The following ATRNL1 variants were observed in gnomAD, a reference collection of about 807,000 sequenced individuals.
ATRNL1 encodes the protein attractin-like protein 1.
ATRNL1 carries 95 observed loss-of-function variants against 182.7 expected under a neutral mutation model. That is an observed-to-expected ratio of 0.52 (90% CI 0.44 to 0.62). The LOEUF is 0.62. Ranked by LOEUF, ATRNL1 falls within the 20% of genes least tolerant of loss-of-function variation. ATRNL1 has a pLI of 0.00. For missense variants in ATRNL1, 1,471 were observed against 1,679.5 expected (o/e 0.88, Z 2.17); for synonymous variants, 576 against 568.3 (o/e 1.01, Z -0.19).
chr10:115,581,679 C>T (rs575421942), intron 26 of ATRNL1, among the ~76,000 whole-genome samples: 1 of 151,902 alleles, frequency 6.6e-6, no homozygotes. Flanking sequence ...AGAGATTGAT[C>T]CAAGGTAAAC....
Position 115,905,566 on chromosome 10 carries a change from C to G in ATRNL1, c.4019-39092C>G, listed in dbSNP as rs7082599. 7.5e-3 allele frequency among the ~76,000 whole-genome samples: 1,147 copies of G among 152,160 alleles called. 14 individuals are homozygous for G. The highest frequency in any genetic ancestry group is 0.026 in the African/African-American group (1,093 of 41,506). Reference sequence around the variant, plus strand: ...TCCAACAATTCCAGTCAGGCTATATCTGATGCCCAGAATCTATGACCTGTG... The same window carrying G: ...TCCAACAATTCCAGTCAGGCTATATGTGATGCCCAGAATCTATGACCTGTG... On this transcript the variant is annotated intron_variant, in intron 28 of 28. Coordinates refer to ENST00000355044, the MANE Select transcript of ATRNL1 (RefSeq NM_207303.4).
intron 27 of ATRNL1, among the ~76,000 whole-genome samples, chr10:115,738,125 G>GTTTTTTTTTTTTTTTTTTTTTTTTT (rs1565334914): frequency 7.5e-5 from 4 of 53,148 alleles, no homozygotes; most frequent in African/African-American, 1.1e-4. Flanking sequence ...AGAAGATAAT[G>GTTTTTTTTTTTTTTTTTTTTTTTTT]ATTTTTTTTT....
chr10:115,490,924 C>G (rs538134348), intron 24 of ATRNL1, among the ~76,000 whole-genome samples: 9 of 152,210 alleles, frequency 5.9e-5, no homozygotes, highest in Admixed American at 6.5e-5. Flanking sequence ...GAGTGGACAT[C>G]CTTTTTGTTG....
Position 115,418,415 on chromosome 10 carries a change from C to T in ATRNL1, c.3270-7835C>T, listed in dbSNP as rs141932068. Among the ~76,000 whole-genome samples the T allele has an allele frequency of 9.2e-5, 14 of 151,856 alleles. No homozygotes were observed. In the East Asian group the frequency reaches 2.1e-3, roughly 23 times the overall value. On this transcript the variant is annotated intron_variant, in intron 20 of 28. Coordinates refer to ENST00000355044, the MANE Select transcript of ATRNL1 (RefSeq NM_207303.4). ...GAGAACATAGTCAGAGGTGAAAGAA[C>T]CAAAAGAATGAAAAGGGCCAAAGAA...
intron 24 of ATRNL1, among the ~76,000 whole-genome samples, chr10:115,472,111 T>C (rs1848335327): frequency 6.6e-6 from 1 of 151,080 alleles, no homozygotes; most frequent in Non-Finnish European, 1.5e-5. Flanking sequence ...AGACTGTGTT[T>C]CCTTTACTAT....
In ATRNL1 at chr10:115,948,448, T is replaced by C. The variant is rs1419568215; in HGVS notation, c.*3669T>C. ...TTTAAATGTCGAGTTTCAAAACCCA[T>C]TTGCCGTATACTAGAGTGAGCTTGG... On this transcript the variant is annotated 3_prime_UTR_variant, in exon 29 of 29. Coordinates refer to ENST00000355044, the MANE Select transcript of ATRNL1 (RefSeq NM_207303.4). 6.6e-6 allele frequency: 1 copy of C among 152,230 alleles called. No individual in the cohort carries two copies. Among genetic ancestry groups the C allele is most frequent in the Non-Finnish European group, 1.5e-5 (1 of 68,036 alleles). 9.4% of individuals were successfully genotyped at this position (152,230 alleles called of 1,614,324 possible).
chr10:115,749,302 CAAAGA>C (rs1555070033), intron 27 of ATRNL1, among the ~76,000 whole-genome samples: 1 of 151,756 alleles, frequency 6.6e-6, no homozygotes, highest in African/African-American at 2.4e-5. Flanking sequence ...AATTCCAAAA[CAAAGA>C]AAACTCACTA....
At chr10:115,154,795 A>C (rs7897375) in intron 5 of ATRNL1, among the ~76,000 whole-genome samples, 1 of 152,074 alleles carries the variant, frequency 6.6e-6, no homozygotes, top group African/African-American at 2.4e-5. Flanking sequence ...GAAGTCCCCA[A>C]CTGTTATTTT....
chr10:115,426,441 G>A (rs782780759), intron 21 of ATRNL1, 139 bp downstream of exon 21: 31 of 571,174 alleles, frequency 5.4e-5, no homozygotes, highest in African/African-American at 9.6e-5. Flanking sequence ...ACAACTTTAC[G>A]TATATTGCTA....
At chr10:115,851,564 A>G (rs984117185) in intron 28 of ATRNL1, among the ~76,000 whole-genome samples, 27 of 152,134 alleles carry the variant, frequency 1.8e-4, no homozygotes, top group African/African-American at 6.5e-4. Flanking sequence ...TAGATTACCC[A>G]TGCACTAATC....
intron 20 of ATRNL1, among the ~76,000 whole-genome samples, chr10:115,400,000 A>G (rs1554956568): frequency 6.6e-6 from 1 of 152,108 alleles, no homozygotes; most frequent in Non-Finnish European, 1.5e-5. Context: ...AACAGCCTAC[A>G]GAATTGGAGA....
intron 8 of ATRNL1, among the ~76,000 whole-genome samples, chr10:115,206,490 T>G (rs1255076564): frequency 6.6e-6 from 1 of 152,132 alleles, no homozygotes; most frequent in Non-Finnish European, 1.5e-5. Flanking sequence ...GTATACCTGA[T>G]TTTTTAAATT....
At chr10:115,553,305 A>T (rs1853109367) in intron 26 of ATRNL1, among the ~76,000 whole-genome samples, 1 of 151,376 alleles carries the variant, frequency 6.6e-6, no homozygotes, top group African/African-American at 2.4e-5. Context: ...TAGGCAAAGG[A>T]AGGGTTATTT....
intron 17 of ATRNL1, among the ~76,000 whole-genome samples, chr10:115,310,113 T>C (rs1853940487): frequency 6.6e-6 from 1 of 152,190 alleles, no homozygotes; most frequent in Non-Finnish European, 1.5e-5. Flanking sequence ...GAGATTATCA[T>C]ATCACTTTTG....
At position 115,461,626 on chromosome 10, in the gene ATRNL1, T is replaced by G. The variant is rs1847801190; in HGVS notation, c.3323-315T>G. On this transcript the variant is annotated intron_variant, in intron 21 of 28. Transcript: ENST00000355044. ...AATGTTAACTGTATTTCCTTCTAGTTATAAAATTATAGATAATTTTTATTT... is the reference window on the plus strand; with the variant it reads ...AATGTTAACTGTATTTCCTTCTAGTGATAAAATTATAGATAATTTTTATTT... Among the ~76,000 whole-genome samples, 3 of 152,254 alleles carry G rather than the reference T, an allele frequency of 2.0e-5. No individual in the cohort carries two copies. In the South Asian group the frequency reaches 6.2e-4, roughly 32 times the overall value.
intron 26 of ATRNL1, among the ~76,000 whole-genome samples, chr10:115,669,100 T>A (rs1945611215): frequency 6.6e-6 from 1 of 152,156 alleles, no homozygotes; most frequent in Admixed American, 6.5e-5. Context: ...TTTTCTTTTA[T>A]AATTTATTTT....
intron 21 of ATRNL1, among the ~76,000 whole-genome samples, chr10:115,447,173 T>C (rs1847042005): frequency 6.6e-6 from 1 of 151,838 alleles, no homozygotes; most frequent in Non-Finnish European, 1.5e-5. Context: ...ATAGTATATA[T>C]ACTTCTATTC....
chr10:115,779,302 T>G (rs1555078692), intron 27 of ATRNL1, among the ~76,000 whole-genome samples: 1 of 152,230 alleles, frequency 6.6e-6, no homozygotes, highest in African/African-American at 2.4e-5. Flanking sequence ...ATGCCCAACA[T>G]TCTCAATGTG....
intron 5 of ATRNL1, among the ~76,000 whole-genome samples, chr10:115,130,134 T>C (rs145939191): frequency 0.023 from 3,488 of 152,218 alleles, 49 homozygotes; most frequent in South Asian, 0.029. Flanking sequence ...TATTTATCTG[T>C]ATATAAAATA....
Sources: gnomAD v4.1 joint callset for allele counts (sites outside exome capture counted in the v4.1 genomes callset) on GRCh38, gnomAD v4.1.1 for gene constraint, MANE v1.5 for transcripts, NCBI Gene and HGNC (gene_info 2026-07-23, HGNC 2026-07-21) for gene names.